The following LYN variants were observed in gnomAD, a reference collection of about 807,000 sequenced individuals.
LYN encodes LYN proto-oncogene, Src family tyrosine kinase, also known as tyrosine-protein kinase Lyn.
A neutral mutation model predicts 65.0 loss-of-function variants in LYN; 12 were observed. That is an observed-to-expected ratio of 0.18 (90% CI 0.12 to 0.30). The LOEUF is 0.30. LYN is among the 10% of genes least tolerant of loss of function. LYN has a pLI of 1.00. For synonymous variants in LYN, 222 were observed against 221.2 expected (o/e 1.00, Z -0.03); for missense variants, 380 against 623.2 (o/e 0.61, Z 4.16).
At chr8:55,972,900 C>G (rs996133391) in intron 10 of LYN, among the ~76,000 whole-genome samples, 17 of 152,160 alleles carry the variant, frequency 1.1e-4, no homozygotes, top group African/African-American at 4.1e-4. Flanking sequence ...AGTTAGTAGG[C>G]TGTGCGATAA....
chr8:55,976,160 G>A (rs1298378062), intron 10 of LYN, among the ~76,000 whole-genome samples: 1 of 151,844 alleles, frequency 6.6e-6, no homozygotes, highest in Non-Finnish European at 1.5e-5. Flanking sequence ...GAAAAGTGGA[G>A]ATGAAAGCAG....
chr8:55,905,462 G>T (rs1805394395), intron 1 of LYN, among the ~76,000 whole-genome samples: 1 of 152,070 alleles, frequency 6.6e-6, no homozygotes, highest in Non-Finnish European at 1.5e-5. Flanking sequence ...AAACATGGTG[G>T]TCAGTGAATT....
chr8:55,962,414 T>G (rs947180207), intron 8 of LYN, among the ~76,000 whole-genome samples: 2 of 152,114 alleles, frequency 1.3e-5, no homozygotes, highest in Non-Finnish European at 2.9e-5. Flanking sequence ...GTTGGTGAGA[T>G]GCATCCGTGC....
chr8:55,996,030 A>T (rs1259980121), intron 10 of LYN, among the ~76,000 whole-genome samples: 1 of 152,222 alleles, frequency 6.6e-6, no homozygotes, highest in Non-Finnish European at 1.5e-5. Context: ...TTTGTCTCTG[A>T]TAAGAGGTTT....
intron 1 of LYN, among the ~76,000 whole-genome samples, chr8:55,938,479 G>A (rs1806505552): frequency 6.6e-6 from 1 of 152,160 alleles, no homozygotes; most frequent in South Asian, 2.1e-4. Flanking sequence ...CAGGAACCTG[G>A]TCTGCTTCCT....
chr8:55,886,239 A>AT (rs1177919327), intron 1 of LYN, among the ~76,000 whole-genome samples: 3 of 137,328 alleles, frequency 2.2e-5, no homozygotes, highest in African/African-American at 8.0e-5. Flanking sequence ...GCTGTCAAAC[A>AT]TCTTTTTTTT....
chr8:55,987,949 T>C (rs1306005371), intron 10 of LYN, among the ~76,000 whole-genome samples: 2 of 152,242 alleles, frequency 1.3e-5, no homozygotes, highest in Non-Finnish European at 2.9e-5. Context: ...TAATACATGG[T>C]AGCAATCATC....
At chr8:55,903,604 C>T (rs1315472085) in intron 1 of LYN, among the ~76,000 whole-genome samples, 2 of 152,230 alleles carry the variant, frequency 1.3e-5, no homozygotes, top group African/African-American at 4.8e-5. Flanking sequence ...TCACTGTAAG[C>T]TCTTTCTGTT....
At chr8:55,931,505 T>A (rs1375786940) in intron 1 of LYN, among the ~76,000 whole-genome samples, 4 of 151,836 alleles carry the variant, frequency 2.6e-5, no homozygotes, top group African/African-American at 4.8e-5. Flanking sequence ...ATGGGAAAAT[T>A]AAAAATTTGC....
At chr8:55,907,692 C>A (rs1348831441) in intron 1 of LYN, among the ~76,000 whole-genome samples, 1 of 151,948 alleles carries the variant, frequency 6.6e-6, no homozygotes, top group Non-Finnish European at 1.5e-5. Flanking sequence ...CATAGGGAGA[C>A]CCTGTTTCTA....
intron 10 of LYN, among the ~76,000 whole-genome samples, chr8:55,982,854 A>G (rs550037459): frequency 6.6e-6 from 1 of 150,770 alleles, no homozygotes. Flanking sequence ...CCTTCTGTCC[A>G]CTCACCCTCC....
chr8:55,978,138 G>A (rs1451131874), intron 10 of LYN, among the ~76,000 whole-genome samples: 1 of 152,186 alleles, frequency 6.6e-6, no homozygotes, highest in Non-Finnish European at 1.5e-5. Flanking sequence ...CCTGAAGCAG[G>A]TGTGAGGCCT....
At chr8:55,884,948 G>A (rs1283189664) in intron 1 of LYN, among the ~76,000 whole-genome samples, 1 of 152,166 alleles carries the variant, frequency 6.6e-6, no homozygotes, top group Non-Finnish European at 1.5e-5. Context: ...CTTAAAAGCT[G>A]TACTTACACT....
At chr8:55,961,214 A>AT (rs1261108405) in intron 8 of LYN, among the ~76,000 whole-genome samples, 1 of 152,210 alleles carries the variant, frequency 6.6e-6, no homozygotes, top group Non-Finnish European at 1.5e-5. Context: ...CACAGCCGGA[A>AT]TTAGAGTGCT....
At chr8:55,923,624 CCG>C (rs1418301282) in intron 1 of LYN, among the ~76,000 whole-genome samples, 3 of 152,232 alleles carry the variant, frequency 2.0e-5, no homozygotes, top group Middle Eastern at 3.4e-3. Flanking sequence ...ACTGCAACCT[CCG>C]CCTCCTGGGT....
intron 1 of LYN, among the ~76,000 whole-genome samples, chr8:55,897,052 A>T (rs1805130041): frequency 6.6e-6 from 1 of 152,150 alleles, no homozygotes; most frequent in Admixed American, 6.6e-5. Context: ...AACTTCATTT[A>T]AATGATGAGG....
At chr8:55,961,208 G>T (rs1807262322) in intron 8 of LYN, among the ~76,000 whole-genome samples, 1 of 152,168 alleles carries the variant, frequency 6.6e-6, no homozygotes, top group Non-Finnish European at 1.5e-5. Flanking sequence ...GCCAGTCACA[G>T]CCGGAATTAG....
chr8:55,958,775 G>A lies in LYN; in HGVS notation c.790+4791G>A, dbSNP rs578007602. On this transcript the variant is annotated intron_variant, in intron 8 of 12. Transcript: ENST00000519728. ...GATGTCTCCAAGGTTTATCTATGTC[G>A]TAGCATGTGTCAGAATTTCTTTGCT... Among the ~76,000 whole-genome samples the A allele has an allele frequency of 3.5e-4, 53 of 152,254 alleles. No homozygotes were observed. The East Asian group carries it at 8.1e-3, about 23-fold the overall frequency.
intron 1 of LYN, among the ~76,000 whole-genome samples, chr8:55,887,613 TA>T (rs1375088811): frequency 4.9e-4 from 50 of 101,496 alleles, no homozygotes; most frequent in South Asian, 3.5e-3. Context: ...CATATATATA[TA>T]TTTTTTTTTT....
Sources: allele counts gnomAD v4.1 joint callset (sites outside exome capture counted in the v4.1 genomes callset), GRCh38; gene constraint gnomAD v4.1.1; transcripts MANE v1.5; gene names NCBI Gene and HGNC (gene_info 2026-07-23, HGNC 2026-07-21).